Variants in MBD5 observed in about 807,000 individuals in gnomAD.
MBD5 encodes methyl-CpG-binding domain protein 5.
In MBD5, 13 loss-of-function variants were observed where a neutral mutation model predicts 117.3. That is an observed-to-expected ratio of 0.11 (90% confidence interval 0.07 to 0.18). The LOEUF (loss-of-function observed/expected upper bound fraction) is 0.18. MBD5 is among the 10% of genes least tolerant of loss of function. The pLI is 1.00. For missense variants in MBD5, 1,879 were observed against 2,093.8 expected (o/e 0.90, Z 2.00); for synonymous variants, 727 against 766.4 (o/e 0.95, Z 0.85).
chr2:148,447,848 A>C (rs918216472), intron 4 of MBD5: 1 of 152,138 alleles, frequency 6.6e-6, no homozygotes, highest in Admixed American at 6.6e-5. Context: ...ACACTTCTGT[A>C]GGTAGGGTTT....
chr2:148,510,777 G>A (rs184958666), intron 13 of MBD5, among the ~76,000 whole-genome samples: 2 of 152,232 alleles, frequency 1.3e-5, no homozygotes, highest in Admixed American at 1.3e-4. Flanking sequence ...TTGAATGATG[G>A]GATTAGTATA....
At chr2:148,311,359 TA>T (rs1702026316) in intron 3 of MBD5, among the ~76,000 whole-genome samples, 1 of 152,226 alleles carries the variant, frequency 6.6e-6, no homozygotes, top group African/African-American at 2.4e-5. Flanking sequence ...TATATTAGGT[TA>T]GTTAGCTCTT....
chr2:148,117,843 G>A lies in MBD5; in HGVS notation c.-924-60857G>A, dbSNP rs145348359. Reference sequence around the variant, plus strand: ...TTTGCAAATGTAGAAACTGAGACAAGGAGATTTAGGTTACTTGCTCAAGGT... The same window carrying A: ...TTTGCAAATGTAGAAACTGAGACAAAGAGATTTAGGTTACTTGCTCAAGGT... On this transcript the variant is annotated intron_variant, in intron 1 of 13. Transcript: ENST00000642680. Among the ~76,000 whole-genome samples the A allele has an allele frequency of 9.1e-3, 1,390 of 152,250 alleles. 14 individuals are homozygous for A. Among genetic ancestry groups the A allele is most frequent in the African/African-American group, 0.031 (1,291 of 41,544 alleles).
chr2:148,287,600 T>C (rs1701393718), intron 3 of MBD5, among the ~76,000 whole-genome samples: 1 of 152,190 alleles, frequency 6.6e-6, no homozygotes. Context: ...ACAGATTGCA[T>C]AATTTATAAA....
At chr2:148,123,307 T>C (rs905555809) in intron 1 of MBD5, among the ~76,000 whole-genome samples, 11 of 152,330 alleles carry the variant, frequency 7.2e-5, no homozygotes, top group Admixed American at 5.2e-4. Context: ...TGATATGAAT[T>C]GACATGAAGA....
intron 1 of MBD5, among the ~76,000 whole-genome samples, chr2:148,142,067 C>A (rs1314582822): frequency 1.3e-5 from 2 of 151,998 alleles, no homozygotes; most frequent in East Asian, 1.9e-4. Flanking sequence ...GACAAAAAAA[C>A]CGAAGCGATA....
At chr2:148,366,601 C>T (rs111388027) in intron 4 of MBD5, among the ~76,000 whole-genome samples, 1,952 of 152,248 alleles carry the variant, frequency 0.013, 53 homozygotes, top group African/African-American at 0.045. Context: ...CCAAAATCTC[C>T]TTAGGCTGAT....
intron 1 of MBD5, among the ~76,000 whole-genome samples, chr2:148,152,920 G>C (rs895152523): frequency 1.3e-5 from 2 of 151,750 alleles, no homozygotes; most frequent in African/African-American, 2.4e-5. Context: ...CTTTTAATTG[G>C]AGCATTTAGT....
At chr2:148,051,604 AGTGT>A (rs59584574) in intron 1 of MBD5, among the ~76,000 whole-genome samples, 4,092 of 139,142 alleles carry the variant, frequency 0.029, 85 homozygotes, top group African/African-American at 0.062. Context: ...CTGTTTGTTG[AGTGT>A]GTGTGTGTGT....
At chr2:148,155,064 G>A (rs974457185) in intron 1 of MBD5, among the ~76,000 whole-genome samples, 2 of 152,194 alleles carry the variant, frequency 1.3e-5, no homozygotes, top group Non-Finnish European at 2.9e-5. Context: ...TATATTTCTA[G>A]TGAAAGAGAC....
intron 3 of MBD5, among the ~76,000 whole-genome samples, chr2:148,285,633 T>C (rs1701351280): frequency 6.6e-6 from 1 of 152,184 alleles, no homozygotes. Flanking sequence ...TACATTGAAA[T>C]CCAGATTTTA....
At chr2:148,286,796 G>A (rs1294072569) in intron 3 of MBD5, among the ~76,000 whole-genome samples, 2 of 152,116 alleles carry the variant, frequency 1.3e-5, no homozygotes, top group Admixed American at 1.3e-4. Context: ...AAGACTTATG[G>A]TAAAGGAACC....
intron 2 of MBD5, among the ~76,000 whole-genome samples, chr2:148,200,692 CAAAAAA>C (rs770296644): frequency 1.7e-5 from 1 of 57,744 alleles, no homozygotes. Context: ...GACTCTATCT[CAAAAAA>C]AAAAAAAAAA....
At chr2:148,502,391 T>A (rs1236121508) in intron 11 of MBD5, 45 bp from the exon 12 acceptor site, 1 of 1,575,758 alleles carries the variant, frequency 6.3e-7, no homozygotes, top group Admixed American at 1.7e-5. Flanking sequence ...TGTTTAACAA[T>A]TACAGGTCTG....
chr2:148,398,019 T>C (rs182639067), intron 4 of MBD5, among the ~76,000 whole-genome samples: 151 of 152,356 alleles, frequency 9.9e-4, no homozygotes, highest in African/African-American at 3.3e-3. Context: ...TTCCATGGTG[T>C]ATATGTGCCA....
intron 1 of MBD5, among the ~76,000 whole-genome samples, chr2:148,127,746 C>G (rs540401869): frequency 6.6e-6 from 1 of 151,992 alleles, no homozygotes; most frequent in African/African-American, 2.4e-5. Context: ...GGGTATATAC[C>G]CAGTAATGGG....
At chr2:148,304,584 T>C (rs1701846376) in intron 3 of MBD5, among the ~76,000 whole-genome samples, 1 of 152,114 alleles carries the variant, frequency 6.6e-6, no homozygotes, top group Admixed American at 6.5e-5. Flanking sequence ...GATAAGACAA[T>C]ATGTTCAAGG....
intron 2 of MBD5, among the ~76,000 whole-genome samples, chr2:148,182,892 C>T (rs999160552): frequency 5.3e-5 from 8 of 152,276 alleles, no homozygotes; most frequent in African/African-American, 1.7e-4. Flanking sequence ...ATGGGCACCC[C>T]GCTTTTGGAC....
At chr2:148,035,596 A>T (rs1694173800) in intron 1 of MBD5, among the ~76,000 whole-genome samples, 1 of 152,188 alleles carries the variant, frequency 6.6e-6, no homozygotes, top group African/African-American at 2.4e-5. Flanking sequence ...CATAACTTAC[A>T]GCATTGGTTT....
Sources: gnomAD v4.1 joint callset for allele counts (sites outside exome capture counted in the v4.1 genomes callset) on GRCh38, gnomAD v4.1.1 for gene constraint, MANE v1.5 for transcripts, NCBI Gene and HGNC (gene_info 2026-07-23, HGNC 2026-07-21) for gene names.